The following DOCK8 variants were observed in gnomAD, a reference collection of about 807,000 sequenced individuals.
DOCK8 encodes the protein dedicator of cytokinesis protein 8.
In DOCK8, 141 loss-of-function variants were observed where a neutral mutation model predicts 245.6. That is an observed-to-expected ratio of 0.57 (90% CI 0.50 to 0.66). The LOEUF is 0.66. Among genes scored for constraint, DOCK8 ranks in the 30% least tolerant of loss-of-function variants. The pLI is 0.00. For missense variants in DOCK8, 2,965 were observed against 2,603.4 expected, an observed-to-expected ratio of 1.14 and a Z score of -3.02; for synonymous variants, 1,168 against 970.2, an observed-to-expected ratio of 1.20 and a Z score of -3.79.
At chr9:291,208 A>C (rs147310809) in intron 4 of DOCK8, among the ~76,000 whole-genome samples, 160 of 152,286 alleles carry the variant, frequency 1.1e-3, no homozygotes, top group Middle Eastern at 3.4e-3. Context: ...TTTATTTTCT[A>C]TTTCGGGCTT....
At chr9:297,616 A>C (rs2049319416) in intron 4 of DOCK8, among the ~76,000 whole-genome samples, 1 of 152,114 alleles carries the variant, frequency 6.6e-6, no homozygotes, top group African/African-American at 2.4e-5. Flanking sequence ...ACTCTCTTGT[A>C]GCCAGCGGCA....
At chr9:385,176 T>C (rs1195100656) in intron 22 of DOCK8, among the ~76,000 whole-genome samples, 1 of 152,214 alleles carries the variant, frequency 6.6e-6, no homozygotes, top group Non-Finnish European at 1.5e-5. Context: ...AAATAAGTTA[T>C]ATTAAAAACA....
rs753397828 is a variant in DOCK8 at position 325,662 on chromosome 9, C to A, written c.828-9C>A. The A allele has an allele frequency of 1.2e-6, 2 of 1,613,056 alleles. No homozygotes were observed. Among genetic ancestry groups the A allele is most frequent in the South Asian group, 2.2e-5 (2 of 91,056 alleles). On this transcript the variant is annotated splice_polypyrimidine_tract_variant and intron_variant, in intron 7 of 47. Transcript: ENST00000432829. ...AAGCCACATAGATTTTCCTCTCTTT[C>A]TATGGTAGGTTCGAGATTGAAATTG...
chr9:414,176 A>G (rs2055883723), intron 28 of DOCK8, among the ~76,000 whole-genome samples: 1 of 152,156 alleles, frequency 6.6e-6, no homozygotes, highest in Non-Finnish European at 1.5e-5. Context: ...ACAAGCCAGC[A>G]AATGTACTCT....
Position 247,867 on chromosome 9 carries a change from C to G in DOCK8, c.54-23760C>G, listed in dbSNP as rs140718312. Among the ~76,000 whole-genome samples, 5 of 151,912 alleles carry G rather than the reference C, an allele frequency of 3.3e-5. No homozygotes were observed. The East Asian group carries it at 9.7e-4, about 29-fold the overall frequency. ...TTAGTCTCTAAGGAAATGAATACTT[C>G]CAGACTAAATTCTGTTTATAGTATT... is the stretch of plus-strand genomic sequence containing the variant. On this transcript the variant is annotated intron_variant, in intron 1 of 47. Transcript: ENST00000432829.
intron 9 of DOCK8, among the ~76,000 whole-genome samples, chr9:330,694 C>T (rs892260379): frequency 6.6e-6 from 1 of 152,112 alleles, no homozygotes. Flanking sequence ...AATCCTACCC[C>T]TTCTGAATAG....
In DOCK8 at chr9:304,598, A is replaced by C; in HGVS notation, c.422A>C (p.Glu141Ala). 1 of 1,614,220 alleles carries C rather than the reference A, an allele frequency of 6.2e-7. No homozygotes were observed. The highest frequency in any genetic ancestry group is 8.5e-7 in the Non-Finnish European group (1 of 1,180,026). Residue 141 changes from glutamate to alanine, a missense_variant, in exon 5 of 48, where the codon GAA (glutamate) becomes GCA (alanine). By Grantham distance (107) the Glu-to-Ala change is moderately radical (BLOSUM62 -1). This residue lies in a region of DOCK8 where 2,825 missense variants were observed against 2,453.5 expected (regional missense o/e 1.15). Coordinates refer to ENST00000432829, the MANE Select transcript of DOCK8 (RefSeq NM_203447.4). ...CATAAAAGAAACCAAGGAAGTCCAG[A>C]AATCTGTGGCTTTAAAAAGACTGGA... ...IVNRKNQGSP[E>A]ICGFKKTGSR...
At chr9:398,979 C>G (rs2054599004) in intron 25 of DOCK8, among the ~76,000 whole-genome samples, 167 bp from the exon 26 acceptor site, 1 of 152,194 alleles carries the variant, frequency 6.6e-6, no homozygotes. Context: ...TTCAACCTCA[C>G]AGTCATGGCT....
At chr9:460,010 G>A (rs1053210926) in intron 46 of DOCK8, 1 of 152,210 alleles carries the variant, frequency 6.6e-6, no homozygotes, top group East Asian at 1.9e-4. Context: ...CAAGGTTCTA[G>A]GAGAGCACAT....
intron 6 of DOCK8, among the ~76,000 whole-genome samples, chr9:315,651 T>C (rs369572638): frequency 2.0e-5 from 3 of 152,316 alleles, no homozygotes; most frequent in East Asian, 3.9e-4. Context: ...TAATCCAGTA[T>C]TGAGCGAGAA....
At chr9:329,442 TTTCAC>T (rs2050908342) in intron 9 of DOCK8, among the ~76,000 whole-genome samples, 1 of 152,174 alleles carries the variant, frequency 6.6e-6, no homozygotes, top group African/African-American at 2.4e-5. Flanking sequence ...GCAAATGTCT[TTTCAC>T]TCTAGCTTCT....
chr9:424,295 T>C (rs975506023), intron 33 of DOCK8, among the ~76,000 whole-genome samples: 19 of 152,034 alleles, frequency 1.2e-4, no homozygotes, highest in African/African-American at 4.6e-4. Context: ...ACTACTTCAA[T>C]TGGAAACTCC....
At chr9:308,963 T>G (rs2049975803) in intron 5 of DOCK8, among the ~76,000 whole-genome samples, 2 of 152,198 alleles carry the variant, frequency 1.3e-5, no homozygotes, top group Non-Finnish European at 2.9e-5. Flanking sequence ...GGCCAGGTTC[T>G]TTCTTTTAAT....
chr9:366,314 C>T (rs1464722536), intron 14 of DOCK8: 2 of 152,414 alleles, frequency 1.3e-5, no homozygotes, highest in South Asian at 2.1e-4. Flanking sequence ...CATTCTGCCT[C>T]CAGGGAGTCA....
In DOCK8 at chr9:415,023, C is replaced by A. The variant is rs115439344; in HGVS notation, c.3700+72C>A. 848 of 1,573,166 alleles carry A rather than the reference C, an allele frequency of 5.4e-4. 9 individuals carry two copies. In the African/African-American group the frequency reaches 0.01, roughly 19 times the overall value. Reference sequence around the variant, plus strand: ...CAAATGCCCCATCCGAATGAGATCTCTGTCATTCGTTCCAGTGCTGATATG... The same window carrying A: ...CAAATGCCCCATCCGAATGAGATCTATGTCATTCGTTCCAGTGCTGATATG... On this transcript the variant is annotated intron_variant, in intron 29 of 47. Transcript: ENST00000432829.
At chr9:270,020 C>A (rs912431266) in intron 1 of DOCK8, among the ~76,000 whole-genome samples, 11 of 152,212 alleles carry the variant, frequency 7.2e-5, no homozygotes, top group Admixed American at 2.0e-4. Context: ...AGTTTCTCCA[C>A]ATCCTTGCAA....
intron 14 of DOCK8, among the ~76,000 whole-genome samples, chr9:355,760 C>T (rs957843492): frequency 5.9e-5 from 9 of 152,106 alleles, no homozygotes; most frequent in Non-Finnish European, 1.0e-4. Context: ...TTGCACAGCA[C>T]CCCAGCACCT....
chr9:323,877 T>C (rs1040922587), intron 7 of DOCK8, among the ~76,000 whole-genome samples: 3 of 152,258 alleles, frequency 2.0e-5, no homozygotes, highest in Non-Finnish European at 4.4e-5. Context: ...ATTGTATATA[T>C]GTAGCATATT....
At chr9:403,954 A>ATG (rs2055276958) in intron 26 of DOCK8, among the ~76,000 whole-genome samples, 4 of 77,560 alleles carry the variant, frequency 5.2e-5, no homozygotes, top group African/African-American at 3.5e-4. Flanking sequence ...GTGTATATAT[A>ATG]TATATGTATA....
Sources: allele counts gnomAD v4.1 joint callset (sites outside exome capture counted in the v4.1 genomes callset), GRCh38; gene constraint gnomAD v4.1.1; regional missense constraint gnomAD v4.1.1; transcripts MANE v1.5; gene names NCBI Gene and HGNC (gene_info 2026-07-23, HGNC 2026-07-21).